MGAT4D: variants seen among roughly 807,000 people sequenced by gnomAD.
MGAT4D encodes the protein alpha-1,3-mannosyl-glycoprotein 4-beta-N-acetylglucosaminyltransferase-like protein MGAT4D.
MGAT4D carries 34 observed loss-of-function variants against 15.9 expected under a neutral mutation model. The ratio of observed to expected loss-of-function variants is 2.14; its 90% confidence interval spans 1.62 to 2.84. The LOEUF (loss-of-function observed/expected upper bound fraction) is 2.84, where lower values mean the gene tolerates loss of function less well. Ranked by LOEUF, MGAT4D falls within the 30% of genes most tolerant of loss-of-function variation. The probability of loss-of-function intolerance (pLI) is 0.00; values close to 1 mark genes in which losing one functional copy is unlikely to be tolerated. For synonymous variants in MGAT4D, 112 were observed against 48.2 expected (o/e 2.33, Z -5.49); for missense variants, 327 against 140.2 (o/e 2.33, Z -6.73).
chr4:140,459,647 A>C, intron 7 of MGAT4D, 21 bp from the exon 8 acceptor site: 1 of 432,898 alleles, frequency 2.3e-6, no homozygotes, highest in Non-Finnish European at 4.1e-6. Context: ...AAACCCAAAA[A>C]GACATTAATA....
At chr4:140,478,856 G>A (rs1732513310) in intron 3 of MGAT4D, among the ~76,000 whole-genome samples, 1 of 151,952 alleles carries the variant, frequency 6.6e-6, no homozygotes, top group South Asian at 2.1e-4. Flanking sequence ...CTCTGCCATT[G>A]GAGCACAAAA....
chr4:140,498,111 G>C lies in MGAT4D; in HGVS notation c.94+18C>G. 1 of 696,176 alleles carries C rather than the reference G, an allele frequency of 1.4e-6. No individual in the cohort carries two copies. The highest frequency in any genetic ancestry group is 1.5e-5 in the South Asian group (1 of 66,716). 43.1% of individuals were successfully genotyped at this position (696,176 alleles called of 1,614,324 possible). A position where few individuals can be genotyped will look rare whatever the true frequency, so the allele number is the denominator to read the frequency against. On this transcript the variant is annotated intron_variant, in intron 1 of 10. Coordinates refer to ENST00000511113, the MANE Select transcript of MGAT4D (RefSeq NM_001277353.2). ...CCCCGCGGCGGGAAAGGAGGCGGGA[G>C]GAGGGCCCGCCGCTTACTGGTTTGA...
chr4:140,458,563 G>A (rs909486935), intron 8 of MGAT4D: 2 of 152,178 alleles, frequency 1.3e-5, no homozygotes, highest in African/African-American at 4.8e-5. Flanking sequence ...GTGCAAAACA[G>A]GTAGTCCTCA....
chr4:140,474,973 C>T (rs1213527020), intron 3 of MGAT4D, 27 bp from the exon 4 acceptor site: 1 of 608,574 alleles, frequency 1.6e-6, no homozygotes, highest in African/African-American at 1.9e-5. Flanking sequence ...ATGAAATCAT[C>T]ATTCCATACC....
intron 1 of MGAT4D, among the ~76,000 whole-genome samples, chr4:140,493,275 A>ATTGTTCCTTTACTT (rs1733621135): frequency 9.0e-6 from 1 of 110,626 alleles, no homozygotes; most frequent in Non-Finnish European, 2.0e-5. Flanking sequence ...GTATCTGTTT[A>ATTGTTCCTTTACTT]TTGTTCCTTT....
At position 140,474,842 on chromosome 4, in the gene MGAT4D, C is replaced by T; in HGVS notation, c.496G>A (p.Asp166Asn). ...VSRMTLSQEK[D>N]SVVIVLVADS... The stretch of plus-strand genomic sequence containing the variant: ...GCAACCAAGACAATCACTACAGAAT[C>T]CTTCTCTTGGGAGAGCGTCATCCTG... Residue 166 changes from aspartate (D) to asparagine (N), a missense_variant, in exon 4 of 11, where the codon GAT becomes AAT. Coordinates refer to ENST00000511113, the MANE Select transcript of MGAT4D (RefSeq NM_001277353.2). 1.4e-6 allele frequency: 1 copy of T among 695,984 alleles called. No individual in the cohort carries two copies. 43.1% of individuals were successfully genotyped at this position (695,984 alleles called of 1,614,324 possible). A position where few individuals can be genotyped will look rare whatever the true frequency, so the allele number is the denominator to read the frequency against.
intron 7 of MGAT4D, among the ~76,000 whole-genome samples, chr4:140,461,232 C>T (rs946785265): frequency 1.3e-5 from 2 of 152,074 alleles, no homozygotes; most frequent in African/African-American, 2.4e-5. Context: ...CATGACATTG[C>T]CACTAACTAG....
intron 2 of MGAT4D, among the ~76,000 whole-genome samples, chr4:140,480,145 A>G (rs1732603640): frequency 6.6e-6 from 1 of 152,204 alleles, no homozygotes; most frequent in Non-Finnish European, 1.5e-5. Flanking sequence ...AAAAAAAGAT[A>G]TATAAACAAT....
At chr4:140,472,271 T>C (rs2126783598) in intron 4 of MGAT4D, among the ~76,000 whole-genome samples, 1 of 152,328 alleles carries the variant, frequency 6.6e-6, no homozygotes, top group East Asian at 1.9e-4. Flanking sequence ...ACAGTATTAC[T>C]CAGCTTGATT....
At chr4:140,473,563 T>C (rs1732112766) in intron 4 of MGAT4D, among the ~76,000 whole-genome samples, 1 of 152,208 alleles carries the variant, frequency 6.6e-6, no homozygotes, top group Non-Finnish European at 1.5e-5. Flanking sequence ...GAGGCATAGA[T>C]GAATTAAGTA....
intron 8 of MGAT4D, chr4:140,459,226 T>TTA (rs1553951053): frequency 5.8e-6 from 1 of 171,590 alleles, no homozygotes; most frequent in Non-Finnish European, 1.2e-5. Context: ...CTAACATGTG[T>TTA]GCCAGACTCA....
intron 1 of MGAT4D, among the ~76,000 whole-genome samples, chr4:140,490,596 C>G (rs1289823924): frequency 1.3e-5 from 2 of 152,126 alleles, no homozygotes; most frequent in African/African-American, 4.8e-5. Flanking sequence ...AAACTTGGCC[C>G]AGACCCAATA....
At chr4:140,466,549 A>C (rs1578669148) in intron 5 of MGAT4D, among the ~76,000 whole-genome samples, 1 of 152,182 alleles carries the variant, frequency 6.6e-6, no homozygotes, top group African/African-American at 2.4e-5. Context: ...TTTTTAAAAG[A>C]AATCAAATCA....
At chr4:140,451,335 C>A in intron 10 of MGAT4D, 75 bp downstream of exon 10, 1 of 453,644 alleles carries the variant, frequency 2.2e-6, no homozygotes, top group Non-Finnish European at 3.9e-6. Context: ...CTTATGTCAC[C>A]ACTTCTTTTC....
chr4:140,491,853 C>T (rs1287046578), intron 1 of MGAT4D, among the ~76,000 whole-genome samples: 1 of 151,992 alleles, frequency 6.6e-6, no homozygotes, highest in African/African-American at 2.4e-5. Flanking sequence ...AAACCTCTGT[C>T]CCCCCAGCTC....
At chr4:140,497,784 G>T (rs1487987526) in intron 1 of MGAT4D, among the ~76,000 whole-genome samples, 2 of 152,222 alleles carry the variant, frequency 1.3e-5, no homozygotes, top group Non-Finnish European at 2.9e-5. Context: ...CCATAGTTTC[G>T]AGAAGGAAGA....
At chr4:140,452,792 C>T (rs989871687) in intron 9 of MGAT4D, among the ~76,000 whole-genome samples, 22 of 152,132 alleles carry the variant, frequency 1.4e-4, no homozygotes, top group African/African-American at 5.1e-4. Context: ...TTTAAAAATG[C>T]TTTTAGTGTC....
At chr4:140,472,340 A>G (rs574189224) in intron 4 of MGAT4D, among the ~76,000 whole-genome samples, 1 of 152,206 alleles carries the variant, frequency 6.6e-6, no homozygotes, top group Non-Finnish European at 1.5e-5. Flanking sequence ...ACAGTGCGCT[A>G]GATTAGATGA....
intron 5 of MGAT4D, among the ~76,000 whole-genome samples, chr4:140,471,415 C>T (rs1425212285): frequency 2.6e-5 from 4 of 152,048 alleles, no homozygotes; most frequent in African/African-American, 4.8e-5. Context: ...GTACGTGCTT[C>T]GGCTGCTTAC....
Sources: gnomAD v4.1 joint callset for allele counts (sites outside exome capture counted in the v4.1 genomes callset) on GRCh38, gnomAD v4.1.1 for gene constraint, MANE v1.5 for transcripts, NCBI Gene and HGNC (gene_info 2026-07-23, HGNC 2026-07-21) for gene names.